ARHGAP29: variants seen among roughly 807,000 people sequenced by gnomAD.
The protein encoded by ARHGAP29 is Rho GTPase activating protein 29, also known as rho GTPase-activating protein 29.
Under a neutral mutation model 122.6 loss-of-function variants are expected in ARHGAP29, and 43 were observed. The observed-to-expected ratio is 0.35, with a 90% CI of 0.27 to 0.45. ARHGAP29 has a LOEUF of 0.45. Among genes scored for constraint, ARHGAP29 ranks in the 20% least tolerant of loss-of-function variants. The pLI is 1.00. For synonymous variants in ARHGAP29, 506 were observed against 497.1 expected (o/e 1.02, Z -0.24); for missense variants, 1,303 against 1,477.2 (o/e 0.88, Z 1.93).
the ARHGAP29 span, among the ~76,000 whole-genome samples, chr1:94,280,547 A>C: frequency 6.6e-6 from 1 of 152,238 alleles, no homozygotes; most frequent in East Asian, 1.9e-4. Flanking sequence ...AGAGATGGAC[A>C]GATGAATAGA....
At chr1:94,236,586 G>A (rs1398499398) in intron 1 of ARHGAP29, among the ~76,000 whole-genome samples, 4 of 152,122 alleles carry the variant, frequency 2.6e-5, no homozygotes, top group Non-Finnish European at 5.9e-5. Context: ...TACCCTCTGA[G>A]AAAGTTTTAA....
At chr1:94,308,088 ATTGATT>A in the ARHGAP29 span, among the ~76,000 whole-genome samples, 12 of 152,194 alleles carry the variant, frequency 7.9e-5, no homozygotes, top group African/African-American at 2.9e-4. Flanking sequence ...CTCTAGGCTT[ATTGATT>A]TCACTTGACT....
chr1:94,209,986 T>C (rs1651482589), intron 3 of ARHGAP29, among the ~76,000 whole-genome samples: 1 of 152,224 alleles, frequency 6.6e-6, no homozygotes, highest in South Asian at 2.1e-4. Flanking sequence ...GCTAGCTGCA[T>C]TTTGTTTACA....
intron 15 of ARHGAP29, 141 bp from the exon 16 acceptor site, chr1:94,186,738 G>A: frequency 3.3e-6 from 2 of 599,516 alleles, no homozygotes; most frequent in South Asian, 2.2e-5. Flanking sequence ...TCATACTCTG[G>A]GTAACAGGGA....
chr1:94,217,190 A>C (rs1485777306), intron 3 of ARHGAP29, among the ~76,000 whole-genome samples: 2 of 152,188 alleles, frequency 1.3e-5, no homozygotes, highest in African/African-American at 2.4e-5. Context: ...TCTCCAAAGT[A>C]AGTCATATAC....
chr1:94,285,587 A>G, the ARHGAP29 span, among the ~76,000 whole-genome samples: 1 of 152,200 alleles, frequency 6.6e-6, no homozygotes, highest in Admixed American at 6.5e-5. Context: ...GAGGGAATGT[A>G]CTGGTGTAGA....
chr1:94,173,317 A>T lies in ARHGAP29; in HGVS notation c.*552T>A, dbSNP rs1290031210. The T allele has an allele frequency of 6.5e-6, 1 of 152,714 alleles. No homozygotes were observed. Among genetic ancestry groups the T allele is most frequent in the African/African-American group, 2.4e-5 (1 of 41,462 alleles). 9.5% of individuals were successfully genotyped at this position (152,714 alleles called of 1,614,324 possible). A position where few individuals can be genotyped will look rare whatever the true frequency, so the allele number is the denominator to read the frequency against. ...TCTGGCCATTATGTAAACATTTAAA[A>T]ATTAACTGAATTGCCAATTGAAAAA... On this transcript the variant is annotated 3_prime_UTR_variant, in exon 23 of 23. Transcript: ENST00000260526.
chr1:94,302,542 T>C, the ARHGAP29 span: 2 of 326,500 alleles, frequency 6.1e-6, no homozygotes, highest in Non-Finnish European at 1.2e-5. Context: ...CGACTCAGCA[T>C]CACAGTCCAT....
In ARHGAP29 at chr1:94,214,773, A is replaced by T. The variant is rs146828813; in HGVS notation, c.341-5423T>A. 6.8e-4 allele frequency among the ~76,000 whole-genome samples: 104 copies of T among 152,316 alleles called. No individual in the cohort carries two copies. The East Asian group carries it at 0.016, about 23-fold the overall frequency. On this transcript the variant is annotated intron_variant, in intron 3 of 22. Transcript: ENST00000260526. ...TACCAAGTCCTAAGACACGTTTAGT[A>T]TCTCTTCAAGAAATCACCTGAATAG...
chr1:94,210,437 C>T (rs1365254316), intron 3 of ARHGAP29, among the ~76,000 whole-genome samples: 4 of 152,092 alleles, frequency 2.6e-5, no homozygotes, highest in African/African-American at 7.2e-5. Context: ...TAATACACAA[C>T]GAGAGTTGGA....
chr1:94,258,235 A>G (rs1281755996), intron 1 of ARHGAP29, among the ~76,000 whole-genome samples: 1 of 152,062 alleles, frequency 6.6e-6, no homozygotes, highest in African/African-American at 2.4e-5. Flanking sequence ...CCCTTCTCTC[A>G]CTCTCAGAAG....
chr1:94,169,428 G>A lies in ARHGAP29; in HGVS notation c.*4441C>T, dbSNP rs567185734. Among the ~76,000 whole-genome samples, 2 of 152,170 alleles carry A rather than the reference G, an allele frequency of 1.3e-5. No individual in the cohort carries two copies. Among genetic ancestry groups the A allele is most frequent in the Non-Finnish European group, 2.9e-5 (2 of 68,028 alleles). Reference sequence around the variant, plus strand: ...GAGACAGCAGCTGGCATGTCAAGAGGTTGAGGGAGGGAGGAAGAATGAACA... The same window carrying A: ...GAGACAGCAGCTGGCATGTCAAGAGATTGAGGGAGGGAGGAAGAATGAACA... On this transcript the variant is annotated 3_prime_UTR_variant, in exon 23 of 23. Transcript: ENST00000260526.
At chr1:94,304,056 C>G in the ARHGAP29 span, among the ~76,000 whole-genome samples, 2 of 152,212 alleles carry the variant, frequency 1.3e-5, no homozygotes, top group Non-Finnish European at 2.9e-5. Context: ...TGTCAAGGCT[C>G]TGCTTTACCT....
intron 2 of ARHGAP29, among the ~76,000 whole-genome samples, chr1:94,227,798 T>C (rs1450417974): frequency 1.3e-5 from 2 of 151,832 alleles, no homozygotes; most frequent in African/African-American, 4.8e-5. Context: ...TAAACCTGAA[T>C]TGGTACTTAC....
chr1:94,203,983 T>C lies in ARHGAP29; in HGVS notation c.709A>G (p.Thr237Ala). 6.2e-7 allele frequency: 1 copy of C among 1,613,810 alleles called. No individual in the cohort carries two copies. Reference sequence around the variant, plus strand: ...TCTGCCAACTTGACCATATTTCTAGTGGACTCCAATTCTGAAAAGTTCAAA... The same window carrying C: ...TCTGCCAACTTGACCATATTTCTAGCGGACTCCAATTCTGAAAAGTTCAAA... ...EKKLNLELES[T>A]RNMVKLAEAT... Residue 237 changes from threonine (T) to alanine (A), a missense_variant, in exon 8 of 23, where the codon ACT becomes GCT. Thr to Ala is a moderately conservative substitution (Grantham distance 58). Around this residue, in one of 3 missense-constraint regions of ARHGAP29, gnomAD observed 592 missense variants for 648.2 expected, o/e 0.91. Coordinates refer to ENST00000260526, the MANE Select transcript of ARHGAP29 (RefSeq NM_004815.4).
rs1242890012 is a variant in ARHGAP29 at position 94,172,438 on chromosome 1, C to T, written c.*1431G>A. ...CTGGTTATTGCTCCCTAGACCTTTA[C>T]ATCACATAGAACTATAAAACAGGTT... On this transcript the variant is annotated 3_prime_UTR_variant, in exon 23 of 23. Transcript: ENST00000260526. 3 of 152,076 alleles carry T rather than the reference C, an allele frequency of 2.0e-5. No homozygotes were observed. The highest frequency in any genetic ancestry group is 2.1e-4 in the South Asian group (1 of 4,824). 9.4% of individuals were successfully genotyped at this position (152,076 alleles called of 1,614,324 possible). A position where few individuals can be genotyped will look rare whatever the true frequency, so the allele number is the denominator to read the frequency against.
At chr1:94,233,562 T>G (rs6675959) in intron 1 of ARHGAP29, among the ~76,000 whole-genome samples, 134,401 of 152,102 alleles carry the variant, frequency 0.88, 59,595 homozygotes, top group Non-Finnish European at 0.92. Flanking sequence ...CCTTCCAAAG[T>G]ATAAGTGAGA....
At chr1:94,294,979 G>A in the ARHGAP29 span, among the ~76,000 whole-genome samples, 1 of 152,208 alleles carries the variant, frequency 6.6e-6, no homozygotes, top group African/African-American at 2.4e-5. Flanking sequence ...CATAGACAGA[G>A]TGAGACTGAA....
chr1:94,217,712 G>C (rs1652032175), intron 3 of ARHGAP29, among the ~76,000 whole-genome samples: 1 of 151,994 alleles, frequency 6.6e-6, no homozygotes. Context: ...CTGGGAGAGT[G>C]ACAGCTCACA....
Sources: allele counts gnomAD v4.1 joint callset (sites outside exome capture counted in the v4.1 genomes callset), GRCh38; gene constraint gnomAD v4.1.1; regional missense constraint gnomAD v4.1.1; transcripts MANE v1.5; gene names NCBI Gene and HGNC (gene_info 2026-07-23, HGNC 2026-07-21).